The following RAB6B variants were observed in gnomAD, a reference collection of about 807,000 sequenced individuals.
The protein encoded by RAB6B is RAB6B, member RAS oncogene family, also known as ras-related protein Rab-6B.
Under a neutral mutation model 31.2 loss-of-function variants are expected in RAB6B, and 7 were observed. That is an observed-to-expected ratio of 0.22 (90% CI 0.13 to 0.42). The LOEUF is 0.42. Among genes scored for constraint, RAB6B ranks in the 10% least tolerant of loss-of-function variants. The probability of loss-of-function intolerance (pLI) is 1.00; values close to 1 mark genes in which losing one functional copy is unlikely to be tolerated. For missense variants in RAB6B, 149 were observed against 280.6 expected (o/e 0.53, Z 3.35); for synonymous variants, 105 against 104.9 (o/e 1.00, Z -0.01).
At chr3:133,859,872 A>G (rs1559906911) in intron 2 of RAB6B, among the ~76,000 whole-genome samples, 2 of 152,210 alleles carry the variant, frequency 1.3e-5, no homozygotes, top group African/African-American at 2.4e-5. Context: ...GGAAACACTC[A>G]TATTTATTTC....
chr3:133,875,006 AGG>A (rs2108009569), intron 1 of RAB6B, among the ~76,000 whole-genome samples: 1 of 152,310 alleles, frequency 6.6e-6, no homozygotes, highest in East Asian at 1.9e-4. Context: ...GTCCTCCTGA[AGG>A]ACCTGCCTGA....
chr3:133,870,301 G>A (rs1936299657), intron 1 of RAB6B, among the ~76,000 whole-genome samples: 1 of 152,112 alleles, frequency 6.6e-6, no homozygotes, highest in African/African-American at 2.4e-5. Context: ...GAAGAGCATG[G>A]GGGAAACCGC....
rs114934331 is a variant in RAB6B, at chr3:133,831,807, A to G, written c.562+2768T>C. On this transcript the variant is annotated intron_variant, in intron 7 of 7. Coordinates refer to ENST00000285208, the MANE Select transcript of RAB6B (RefSeq NM_016577.4). ...CATCACGGGCCACATTCAGTGCCCA[A>G]TGTCCCTTCTCCCTGGTTCCTGGAA... Among the ~76,000 whole-genome samples, 310 of 152,310 alleles carry G rather than the reference A, an allele frequency of 2.0e-3. 1 individual carries two copies. The highest frequency in any genetic ancestry group is 7.0e-3 in the African/African-American group (293 of 41,562).
chr3:133,867,389 T>C (rs550078599), intron 1 of RAB6B, among the ~76,000 whole-genome samples: 43 of 152,298 alleles, frequency 2.8e-4, no homozygotes, highest in African/African-American at 9.9e-4. Context: ...ACCTGCCCAC[T>C]GAAGCTTGCA....
Position 133,843,426 on chromosome 3 carries a change from G to A in RAB6B, c.130-1763C>T, listed in dbSNP as rs567368533. Among the ~76,000 whole-genome samples, 123 of 152,326 alleles carry A rather than the reference G, an allele frequency of 8.1e-4. 1 individual carries two copies. Among genetic ancestry groups the A allele is most frequent in the African/African-American group, 2.8e-3 (118 of 41,576 alleles). ...CAGACTTTTTCCTTCACAGGTGTAT[G>A]TTAGATTGACAATCCTTGTCTTCTG... On this transcript the variant is annotated intron_variant, in intron 2 of 7. Coordinates refer to ENST00000285208, the MANE Select transcript of RAB6B (RefSeq NM_016577.4).
chr3:133,832,943 C>G (rs940291087), intron 7 of RAB6B, among the ~76,000 whole-genome samples: 1 of 152,216 alleles, frequency 6.6e-6, no homozygotes, highest in Non-Finnish European at 1.5e-5. Flanking sequence ...TGACTGTGGG[C>G]CCAGCCTGGA....
intron 6 of RAB6B, among the ~76,000 whole-genome samples, chr3:133,836,312 G>A (rs1046140109): frequency 2.0e-5 from 3 of 152,226 alleles, no homozygotes; most frequent in Admixed American, 6.5e-5. Context: ...GGCCCTGGGC[G>A]GCTCTGATCT....
intron 1 of RAB6B, among the ~76,000 whole-genome samples, chr3:133,891,119 G>C (rs1040720324): frequency 2.6e-5 from 4 of 152,126 alleles, no homozygotes; most frequent in Non-Finnish European, 5.9e-5. Flanking sequence ...CCATGGTGTG[G>C]CTAGTGGGAG....
intron 7 of RAB6B, among the ~76,000 whole-genome samples, chr3:133,833,452 G>A (rs1050340935): frequency 7.9e-5 from 12 of 152,148 alleles, no homozygotes; most frequent in African/African-American, 2.4e-4. Flanking sequence ...GGTGGGTCTC[G>A]AGTCTGCTCT....
chr3:133,834,815 C>T (rs1187642807), intron 6 of RAB6B, among the ~76,000 whole-genome samples, 174 bp from the exon 7 acceptor site: 1 of 152,178 alleles, frequency 6.6e-6, no homozygotes, highest in African/African-American at 2.4e-5. Context: ...CTCTCCCCCA[C>T]CTCTCACAGC....
chr3:133,895,353 G>C (rs1361031665), intron 1 of RAB6B, 44 bp downstream of exon 1: 2 of 1,592,912 alleles, frequency 1.3e-6, no homozygotes, highest in East Asian at 2.3e-5. Flanking sequence ...TGGGCGGCGG[G>C]GGTCGACTCG....
intron 1 of RAB6B, among the ~76,000 whole-genome samples, chr3:133,879,240 G>GA (rs746343328): frequency 8.5e-5 from 13 of 152,334 alleles, no homozygotes; most frequent in African/African-American, 2.4e-4. Flanking sequence ...AAAAGTTACA[G>GA]AAAAAATTAT....
intron 2 of RAB6B, 72 bp from the exon 3 acceptor site, chr3:133,841,735 A>G (rs1935836091): frequency 6.7e-7 from 1 of 1,489,328 alleles, no homozygotes; most frequent in Non-Finnish European, 9.3e-7. Flanking sequence ...TAGCGACCAC[A>G]GGTGGTGGCA....
intron 6 of RAB6B, among the ~76,000 whole-genome samples, chr3:133,836,038 C>T (rs1935729850): frequency 6.6e-6 from 1 of 152,204 alleles, no homozygotes. Flanking sequence ...GCTCTGGGCT[C>T]ATACCCTCCA....
chr3:133,875,009 ACCTGCCTGAGGCT>A (rs2108009573), intron 1 of RAB6B, among the ~76,000 whole-genome samples: 1 of 152,292 alleles, frequency 6.6e-6, no homozygotes, highest in East Asian at 1.9e-4. Context: ...CTCCTGAAGG[ACCTGCCTGAGGCT>A]GTTTTACAGT....
chr3:133,839,296 T>C (rs1278612586), intron 5 of RAB6B, among the ~76,000 whole-genome samples: 1 of 152,206 alleles, frequency 6.6e-6, no homozygotes, highest in East Asian at 1.9e-4. Context: ...CGCCCCTGCC[T>C]GGTGGTGGAA....
intron 2 of RAB6B, among the ~76,000 whole-genome samples, chr3:133,863,687 C>A (rs980526927): frequency 9.9e-5 from 15 of 152,122 alleles, no homozygotes; most frequent in African/African-American, 3.6e-4. Flanking sequence ...AACCCACCAC[C>A]CCCTACCTCA....
rs769336149 is a variant in RAB6B, at chr3:133,841,615, G to A, written c.178C>T (p.Arg60Cys). The A allele has an allele frequency of 1.9e-6, 3 of 1,613,598 alleles. No individual in the cohort carries two copies. Among genetic ancestry groups the A allele is most frequent in the Admixed American group, 1.7e-5 (1 of 59,974 alleles). Residue 60 changes from arginine (R) to cysteine (C), a missense_variant, in exon 3 of 8, where the codon CGC (arginine) becomes TGC (cysteine). Arg to Cys is a radical substitution (Grantham distance 180). Around this residue, in one of 2 missense-constraint regions of RAB6B, gnomAD observed 75 missense variants for 180.1 expected, o/e 0.42. Transcript: ENST00000285208. ...TCCTGATATTAGGTGCTCACCGTGC[G>A]GTCCTCCAAGTACATGGTTTTTGAC... ...FLSKTMYLED[R>C]TVRLQLWDTA...
chr3:133,865,587 G>A (rs1261870796), intron 1 of RAB6B, among the ~76,000 whole-genome samples: 1 of 152,248 alleles, frequency 6.6e-6, no homozygotes, highest in African/African-American at 2.4e-5. Context: ...CCATGACCCT[G>A]GGAGGCTCAG....
Sources: allele counts gnomAD v4.1 joint callset (sites outside exome capture counted in the v4.1 genomes callset), GRCh38; gene constraint gnomAD v4.1.1; regional missense constraint gnomAD v4.1.1; transcripts MANE v1.5; gene names NCBI Gene and HGNC (gene_info 2026-07-23, HGNC 2026-07-21).